Variants in GRIK2 observed in about 807,000 individuals in gnomAD.
GRIK2 encodes the protein glutamate receptor ionotropic, kainate 2.
A neutral mutation model predicts 100.3 loss-of-function variants in GRIK2; 32 were observed. The ratio of observed to expected loss-of-function variants is 0.32; its 90% CI spans 0.24 to 0.43. GRIK2 has a LOEUF of 0.43. Among genes scored for constraint, GRIK2 ranks in the 20% least tolerant of loss-of-function variants. The pLI is 1.00. For synonymous variants in GRIK2, 417 were observed against 389.4 expected (o/e 1.07, Z -0.83); for missense variants, 843 against 1,114.9 (o/e 0.76, Z 3.47).
rs9485504 is a variant in GRIK2 at position 101,505,074 on chromosome 6, C to T, written c.115+105682C>T. ...AAGTTTTTTTTGTTTTTTTTTTTGT[C>T]GTTTTTTTACTTGTCATTAAGTTTA... On this transcript the variant is annotated intron_variant, in intron 2 of 16. Coordinates refer to ENST00000369134, the MANE Select transcript of GRIK2 (RefSeq NM_021956.5). 8.9e-3 allele frequency among the ~76,000 whole-genome samples: 1,296 copies of T among 146,422 alleles called. 22 individuals carry two copies. Among genetic ancestry groups the T allele is most frequent in the African/African-American group, 0.03 (1,214 of 40,006 alleles).
chr6:101,633,359 A>G (rs1359686314), intron 4 of GRIK2, among the ~76,000 whole-genome samples: 4 of 152,164 alleles, frequency 2.6e-5, no homozygotes, highest in Non-Finnish European at 4.4e-5. Context: ...AGGACATTCT[A>G]GACTGAAATC....
At chr6:101,820,853 G>A (rs1245554646) in intron 10 of GRIK2, among the ~76,000 whole-genome samples, 1 of 152,146 alleles carries the variant, frequency 6.6e-6, no homozygotes, top group Non-Finnish European at 1.5e-5. Context: ...AGTTGCCTGT[G>A]TCTTGGGGAG....
intron 7 of GRIK2, among the ~76,000 whole-genome samples, chr6:101,715,239 GT>G (rs1414913503): frequency 2.0e-5 from 3 of 151,754 alleles, no homozygotes; most frequent in African/African-American, 7.3e-5. Flanking sequence ...ATAATGTAAT[GT>G]TTTTCTGGGT....
intron 16 of GRIK2, among the ~76,000 whole-genome samples, chr6:102,066,972 A>T (rs944132512): frequency 2.0e-5 from 3 of 151,686 alleles, no homozygotes; most frequent in African/African-American, 7.2e-5. Context: ...AAAACTAGAT[A>T]TATCAGGATA....
chr6:101,928,934 A>G (rs182915267), intron 14 of GRIK2, among the ~76,000 whole-genome samples: 75 of 152,280 alleles, frequency 4.9e-4, no homozygotes, highest in African/African-American at 1.8e-3. Flanking sequence ...AACAAAATGT[A>G]TTTTTTGAAA....
intron 2 of GRIK2, among the ~76,000 whole-genome samples, chr6:101,425,916 T>C (rs1343672129): frequency 1.3e-5 from 2 of 152,230 alleles, no homozygotes; most frequent in Non-Finnish European, 2.9e-5. Flanking sequence ...TCACTAGCAC[T>C]GAGGCCATCT....
intron 5 of GRIK2, among the ~76,000 whole-genome samples, chr6:101,681,404 ATT>A (rs149557882): frequency 0.015 from 1,634 of 111,904 alleles, 13 homozygotes; most frequent in African/African-American, 0.027. Context: ...TTTCTTTTCT[ATT>A]TTTTTTTTTT....
At position 101,676,804 on chromosome 6, in the gene GRIK2, G is replaced by A; in HGVS notation, c.723G>A (p.Gln241=). The change falls in exon 5 of 17, where the codon CAG becomes CAA. Residue 241 remains glutamine, a splice_region_variant and synonymous_variant. Coordinates refer to ENST00000369134, the MANE Select transcript of GRIK2 (RefSeq NM_021956.5). ...AAATGGCAGCAGGCATTTTAAAACA[G>A]GTAACCTTTAAATTACTTCAATTCT... ...SHEMAAGILK[Q]ALAMGMMTEY... 1 of 1,566,484 alleles carries A rather than the reference G, an allele frequency of 6.4e-7. No homozygotes were observed. Among genetic ancestry groups the A allele is most frequent in the Non-Finnish European group, 8.7e-7 (1 of 1,147,678 alleles).
chr6:101,625,050 G>T (rs2128318094), intron 3 of GRIK2, among the ~76,000 whole-genome samples: 1 of 149,870 alleles, frequency 6.7e-6, no homozygotes, highest in African/African-American at 2.5e-5. Context: ...GATTACAGGT[G>T]TGAACCATGG....
At chr6:101,649,023 A>G (rs1230470909) in intron 4 of GRIK2, among the ~76,000 whole-genome samples, 2 of 152,078 alleles carry the variant, frequency 1.3e-5, no homozygotes, top group Non-Finnish European at 2.9e-5. Flanking sequence ...CCATGACTCA[A>G]TTATCTTCAC....
At chr6:101,400,569 G>A (rs1469193254) in intron 2 of GRIK2, among the ~76,000 whole-genome samples, 1 of 152,182 alleles carries the variant, frequency 6.6e-6, no homozygotes, top group African/African-American at 2.4e-5. Context: ...TGAGATAAAA[G>A]CAGACACATT....
At chr6:101,919,547 A>G (rs1789358596) in intron 12 of GRIK2, among the ~76,000 whole-genome samples, 1 of 151,826 alleles carries the variant, frequency 6.6e-6, no homozygotes, top group Admixed American at 6.6e-5. Flanking sequence ...GTAGGAAGTT[A>G]CAGAGATGGA....
chr6:101,686,131 G>C lies in GRIK2; in HGVS notation c.778-49G>C, dbSNP rs375969850. On this transcript the variant is annotated intron_variant, in intron 6 of 16. Coordinates refer to ENST00000369134, the MANE Select transcript of GRIK2 (RefSeq NM_021956.5). The stretch of plus-strand genomic sequence containing the variant: ...GTGACTATTTCAGTAATACATGCCT[G>C]TGAAGATACTCTGTCCATAATAACA... 4 of 1,496,928 alleles carry C rather than the reference G, an allele frequency of 2.7e-6. No individual in the cohort carries two copies. The African/African-American group carries it at 4.2e-5, about 16-fold the overall frequency. The allele number at this position is 1,496,928 out of a possible 1,614,324, so 92.7% of individuals were successfully genotyped here. A position where few individuals can be genotyped will look rare whatever the true frequency, so the allele number is the denominator to read the frequency against.
At chr6:101,806,402 T>C (rs1488406652) in intron 9 of GRIK2, among the ~76,000 whole-genome samples, 1 of 152,058 alleles carries the variant, frequency 6.6e-6, no homozygotes, top group African/African-American at 2.4e-5. Flanking sequence ...ACTGTACAAC[T>C]ACATTGGAAT....
At chr6:101,645,887 A>T (rs1781503503) in intron 4 of GRIK2, among the ~76,000 whole-genome samples, 1 of 151,996 alleles carries the variant, frequency 6.6e-6, no homozygotes, top group Non-Finnish European at 1.5e-5. Flanking sequence ...CTAACACTAC[A>T]GTTAATAATA....
At chr6:101,870,735 G>T (rs1428394048) in intron 11 of GRIK2, among the ~76,000 whole-genome samples, 1 of 151,712 alleles carries the variant, frequency 6.6e-6, no homozygotes, top group Non-Finnish European at 1.5e-5. Context: ...ATTGGGTAAA[G>T]TTGGTAAACT....
At chr6:101,974,032 A>C (rs896825206) in intron 14 of GRIK2, among the ~76,000 whole-genome samples, 4 of 151,958 alleles carry the variant, frequency 2.6e-5, no homozygotes, top group Admixed American at 6.6e-5. Flanking sequence ...GGCAATCAAC[A>C]TATACTTTAT....
chr6:101,497,595 T>C (rs530290566), intron 2 of GRIK2, among the ~76,000 whole-genome samples: 11 of 152,280 alleles, frequency 7.2e-5, no homozygotes, highest in African/African-American at 2.4e-4. Flanking sequence ...CTGAACCTAC[T>C]ATACATCTTG....
At chr6:101,988,945 ATT>A in intron 14 of GRIK2, among the ~76,000 whole-genome samples, 1 of 151,794 alleles carries the variant, frequency 6.6e-6, no homozygotes, top group South Asian at 2.1e-4. Context: ...AAAGAGTGAA[ATT>A]AATAATCATT....
Sources: gnomAD v4.1 joint callset for allele counts (sites outside exome capture counted in the v4.1 genomes callset) on GRCh38, gnomAD v4.1.1 for gene constraint, MANE v1.5 for transcripts, NCBI Gene and HGNC (gene_info 2026-07-23, HGNC 2026-07-21) for gene names.